DNAH5: variants seen among roughly 807,000 people sequenced by gnomAD.
DNAH5 encodes the protein axonemal beta dynein heavy chain 5.
Under a neutral mutation model 518.2 loss-of-function variants are expected in DNAH5, and 372 were observed. The ratio of observed to expected loss-of-function variants is 0.72; its 90% CI spans 0.66 to 0.78. The LOEUF is 0.78. Ranked by LOEUF, DNAH5 falls within the 30% of genes least tolerant of loss-of-function variation. The pLI is 0.00. For synonymous variants in DNAH5, 2,039 were observed against 2,025.9 expected, an observed-to-expected ratio of 1.01 and a Z score of -0.17; for missense variants, 5,523 against 5,687.0, an observed-to-expected ratio of 0.97 and a Z score of 0.93.
At position 13,871,684 on chromosome 5, in the gene DNAH5, T is replaced by C. The variant is rs767576640; in HGVS notation, c.3478A>G (p.Ile1160Val). Residue 1160 changes from isoleucine (I) to valine (V), a missense_variant, in exon 23 of 79, where the codon ATT (isoleucine) becomes GTT (valine). Around this residue, in one of 3 missense-constraint regions of DNAH5, gnomAD observed 5,121 missense variants for 5,223.3 expected, o/e 0.98. Coordinates refer to ENST00000265104, the MANE Select transcript of DNAH5 (RefSeq NM_001369.3). The part of the protein sequence containing the change: ...KGKEEAIKTF[I>V]TQSPLLSEFE... ...TCAGAAAGCAAGGGGCTCTGTGTAATAAATGTCTTAATGGCTTCTTCTTTT... is the reference window on the plus strand; with the variant it reads ...TCAGAAAGCAAGGGGCTCTGTGTAACAAATGTCTTAATGGCTTCTTCTTTT... 3.1e-6 allele frequency: 5 copies of C among 1,613,848 alleles called. No individual in the cohort carries two copies.
intron 16 of DNAH5, among the ~76,000 whole-genome samples, chr5:13,893,052 G>A (rs754730408): frequency 2.6e-5 from 4 of 152,082 alleles, no homozygotes; most frequent in Non-Finnish European, 4.4e-5. Context: ...CTCCAACCCA[G>A]TACTTCTCAA....
chr5:13,708,446 A>G, intron 75 of DNAH5, 111 bp from the exon 76 acceptor site: 1 of 948,196 alleles, frequency 1.1e-6, no homozygotes, highest in Non-Finnish European at 1.6e-6. Context: ...TCCATAAATA[A>G]TAAGCTTCTA....
chr5:13,929,852 T>C (rs899358345), intron 2 of DNAH5, among the ~76,000 whole-genome samples: 3 of 152,190 alleles, frequency 2.0e-5, no homozygotes, highest in Admixed American at 6.5e-5. Flanking sequence ...CAAATCCAGA[T>C]GTCTGAATTG....
chr5:13,839,580 T>G (rs1217652049), intron 34 of DNAH5, 52 bp from the exon 35 acceptor site: 2 of 1,447,998 alleles, frequency 1.4e-6, no homozygotes, highest in Non-Finnish European at 1.9e-6. Context: ...ACTCATTAAA[T>G]ATACACGTTA....
intron 47 of DNAH5, among the ~76,000 whole-genome samples, chr5:13,799,641 T>G (rs1156919020): frequency 6.6e-6 from 1 of 152,216 alleles, no homozygotes; most frequent in East Asian, 1.9e-4. Flanking sequence ...TACCTGAGTG[T>G]TGAAGTTTGG....
rs555310167 is a variant in DNAH5, at chr5:13,772,091, A to T, written c.9374-1111T>A. Among the ~76,000 whole-genome samples, 4 of 152,328 alleles carry T rather than the reference A, an allele frequency of 2.6e-5. No homozygotes were observed. The South Asian group carries it at 8.3e-4, about 32-fold the overall frequency. On this transcript the variant is annotated intron_variant, in intron 55 of 78. Coordinates refer to ENST00000265104, the MANE Select transcript of DNAH5 (RefSeq NM_001369.3). ...AGCCAACCAGTACAAAGAACGGTTT[A>T]AACTCTAAGAAGTTCAAGTCTAGGT...
At chr5:14,010,755 G>A (rs1223219055) in intron 1 of DNAH5, among the ~76,000 whole-genome samples, 5 of 152,150 alleles carry the variant, frequency 3.3e-5, no homozygotes, top group South Asian at 2.1e-4. Context: ...AATATCTACA[G>A]AGAGGAGGAA....
intron 38 of DNAH5, among the ~76,000 whole-genome samples, chr5:13,828,550 G>A (rs1037352806): frequency 6.6e-6 from 1 of 152,192 alleles, no homozygotes; most frequent in African/African-American, 2.4e-5. Context: ...GGTTGTATGT[G>A]ATTATGTGTG....
intron 48 of DNAH5, 96 bp downstream of exon 48, chr5:13,793,840 G>T (rs942425922): frequency 1.9e-6 from 3 of 1,550,302 alleles, no homozygotes; most frequent in South Asian, 1.2e-5. Flanking sequence ...ATTATATCTT[G>T]AAAAAGTAAA....
At chr5:13,726,588 A>G (rs1745773292) in intron 70 of DNAH5, among the ~76,000 whole-genome samples, 1 of 152,334 alleles carries the variant, frequency 6.6e-6, no homozygotes, top group Admixed American at 6.5e-5. Flanking sequence ...GTTGGGCAGG[A>G]TAAAAGTAAT....
At chr5:13,712,391 CT>C (rs1018515646) in intron 75 of DNAH5, among the ~76,000 whole-genome samples, 1 of 152,156 alleles carries the variant, frequency 6.6e-6, no homozygotes, top group Non-Finnish European at 1.5e-5. Context: ...TGGAAAAACC[CT>C]TCTAGACATC....
rs1358089620 is a variant in DNAH5 at position 13,920,467 on chromosome 5, T to G, written c.798+13A>C. 2 of 1,614,118 alleles carry G rather than the reference T, an allele frequency of 1.2e-6. No individual in the cohort carries two copies. The highest frequency in any genetic ancestry group is 1.7e-6 in the Non-Finnish European group (2 of 1,179,982). On this transcript the variant is annotated intron_variant, in intron 6 of 78. Transcript: ENST00000265104. ...GTGGCACCTGAAATTGATGTTTGGT[T>G]TCTCAAAATTACCTGTTCTGTCTGT...
intron 35 of DNAH5, among the ~76,000 whole-genome samples, chr5:13,837,129 G>C (rs559060658): frequency 1.3e-5 from 2 of 152,214 alleles, no homozygotes; most frequent in African/African-American, 4.8e-5. Context: ...TTACAATCCC[G>C]TGAGACCCAC....
chr5:13,964,089 G>C (rs1781375291), intron 1 of DNAH5, among the ~76,000 whole-genome samples: 1 of 152,198 alleles, frequency 6.6e-6, no homozygotes. Context: ...TAGTCTGATA[G>C]GACTGTTCCT....
chr5:13,992,455 A>T (rs939636223), intron 1 of DNAH5, among the ~76,000 whole-genome samples: 6 of 152,208 alleles, frequency 3.9e-5, no homozygotes, highest in Non-Finnish European at 5.9e-5. Context: ...ATTTGTACCT[A>T]ATTTTGCTTT....
chr5:13,985,863 A>C (rs182390705), intron 1 of DNAH5, among the ~76,000 whole-genome samples: 1 of 152,210 alleles, frequency 6.6e-6, no homozygotes, highest in African/African-American at 2.4e-5. Flanking sequence ...CTGTCCACAA[A>C]TGGCCCGGGC....
intron 1 of DNAH5, among the ~76,000 whole-genome samples, chr5:13,967,937 C>A (rs184731825): frequency 6.6e-6 from 1 of 152,226 alleles, no homozygotes; most frequent in African/African-American, 2.4e-5. Flanking sequence ...CTGATTCTAC[C>A]CATCCATCAG....
chr5:13,849,316 G>T (rs1301155850), intron 31 of DNAH5, among the ~76,000 whole-genome samples: 1 of 152,216 alleles, frequency 6.6e-6, no homozygotes, highest in Non-Finnish European at 1.5e-5. Flanking sequence ...ATTCATGGAG[G>T]ATTCATTGAA....
chr5:13,949,297 T>C (rs967173883), upstream of DNAH5, among the ~76,000 whole-genome samples: 2 of 152,176 alleles, frequency 1.3e-5, no homozygotes, highest in Admixed American at 1.3e-4. Flanking sequence ...ATCCAGTATC[T>C]TTTTCTTTAT....
Sources: allele counts gnomAD v4.1 joint callset (sites outside exome capture counted in the v4.1 genomes callset), GRCh38; gene constraint gnomAD v4.1.1; regional missense constraint gnomAD v4.1.1; transcripts MANE v1.5; gene names NCBI Gene and HGNC (gene_info 2026-07-23, HGNC 2026-07-21).